CSTF3: variants seen among roughly 807,000 people sequenced by gnomAD.
The protein encoded by CSTF3 is cleavage stimulation factor subunit 3, also known as CF-1 77 kDa subunit.
CSTF3 carries 29 observed loss-of-function variants against 105.8 expected under a neutral mutation model. That is an observed-to-expected ratio of 0.27 (90% CI 0.20 to 0.37). The LOEUF is 0.37. Among genes scored for constraint, CSTF3 ranks in the 10% least tolerant of loss-of-function variants. The probability of loss-of-function intolerance (pLI) is 1.00; values close to 1 mark genes in which losing one functional copy is unlikely to be tolerated. For missense variants in CSTF3, 357 were observed against 879.3 expected (o/e 0.41, Z 7.51); for synonymous variants, 252 against 281.9 (o/e 0.89, Z 1.06).
intron 1 of CSTF3, among the ~76,000 whole-genome samples, chr11:33,148,878 TA>T (rs370947203): frequency 1.4e-5 from 2 of 146,304 alleles, no homozygotes; most frequent in African/African-American, 5.4e-5. Flanking sequence ...TTTTTTTTTT[TA>T]AAGAGACAGG....
chr11:33,110,458 C>G (rs949184637), intron 3 of CSTF3, among the ~76,000 whole-genome samples: 1 of 152,126 alleles, frequency 6.6e-6, no homozygotes, highest in African/African-American at 2.4e-5. Context: ...TTTGAGATTC[C>G]CATAGAACCT....
chr11:33,088,195 T>C (rs964241366), intron 17 of CSTF3, among the ~76,000 whole-genome samples: 5 of 149,000 alleles, frequency 3.4e-5, no homozygotes, highest in African/African-American at 1.0e-4. Context: ...AGAAGCACAT[T>C]AATCCTTCCC....
At chr11:33,145,161 A>T (rs1403030408) in intron 1 of CSTF3, among the ~76,000 whole-genome samples, 2 of 152,178 alleles carry the variant, frequency 1.3e-5, no homozygotes, top group African/African-American at 4.8e-5. Flanking sequence ...AGCCGGATGC[A>T]GAGGCTCAAC....
intron 1 of CSTF3, among the ~76,000 whole-genome samples, chr11:33,142,243 C>T (rs1274984539): frequency 4.6e-5 from 7 of 151,886 alleles, no homozygotes; most frequent in Admixed American, 1.3e-4. Context: ...GCACTAAACA[C>T]GTACAGCCTT....
intron 15 of CSTF3, among the ~76,000 whole-genome samples, chr11:33,092,583 A>C (rs1361589606): frequency 6.6e-6 from 1 of 152,200 alleles, no homozygotes; most frequent in Non-Finnish European, 1.5e-5. Context: ...CTTCTAGTTC[A>C]GCCCTCCTCT....
intron 20 of CSTF3, 96 bp downstream of exon 20, chr11:33,085,617 G>A (rs1031050978): frequency 3.5e-6 from 4 of 1,136,254 alleles, no homozygotes; most frequent in African/African-American, 3.1e-5. Flanking sequence ...TTGGCTGGCT[G>A]GTTTCGAAAA....
rs763272256 is a variant in CSTF3 at position 33,112,255 on chromosome 11, GA to G, written c.226-3838del. Among the ~76,000 whole-genome samples, 474 of 138,862 alleles carry G rather than the reference GA, an allele frequency of 3.4e-3. 1 individual carries two copies. The highest frequency in any genetic ancestry group is 7.2e-3 in the Middle Eastern group (2 of 278). 91.1% of individuals were successfully genotyped at this position (138,862 alleles called of 152,430 possible). A position where few individuals can be genotyped will look rare whatever the true frequency, so the allele number is the denominator to read the frequency against. The stretch of plus-strand genomic sequence containing the variant: ...GGTGACAAGAGCGAAACTCTGTGTG[GA>G]AAAAAAAAAAAAATCATCAATGTGC... On this transcript the variant is annotated intron_variant, in intron 3 of 20. Transcript: ENST00000323959.
At position 33,086,996 on chromosome 11, in the gene CSTF3, TGTC is replaced by T; in HGVS notation, c.1784_1786del (p.Arg595del). The stretch of plus-strand genomic sequence containing the variant: ...CTAAAGTCATGGCTTACGTGCTAAA[TGTC>T]GTGGCTGAAATGGAATCATCTGCTG... On this transcript the variant is annotated inframe_deletion, in exon 18 of 21. Transcript: ENST00000323959. The T allele has an allele frequency of 1.2e-6, 2 of 1,614,076 alleles. No individual in the cohort carries two copies. The highest frequency in any genetic ancestry group is 1.7e-6 in the Non-Finnish European group (2 of 1,179,988).
intron 1 of CSTF3, among the ~76,000 whole-genome samples, chr11:33,158,695 T>G (rs760098439): frequency 2.0e-5 from 3 of 152,160 alleles, no homozygotes; most frequent in Non-Finnish European, 4.4e-5. Context: ...TGTAATGATA[T>G]AATGTTAAGT....
At chr11:33,119,308 CTTAA>C (rs1416344484) in intron 3 of CSTF3, among the ~76,000 whole-genome samples, 2 of 151,762 alleles carry the variant, frequency 1.3e-5, no homozygotes, top group Non-Finnish European at 3.0e-5. Flanking sequence ...ATTTCTCTTA[CTTAA>C]TTTTCAGTGT....
At chr11:33,132,814 CTATT>C (rs1030066537) in intron 3 of CSTF3, among the ~76,000 whole-genome samples, 7 of 152,118 alleles carry the variant, frequency 4.6e-5, no homozygotes, top group African/African-American at 9.6e-5. Context: ...ATCTTTTTGA[CTATT>C]TGTTTACAAA....
At chr11:33,108,790 G>C (rs1355617379) in intron 3 of CSTF3, among the ~76,000 whole-genome samples, 4 of 152,124 alleles carry the variant, frequency 2.6e-5, no homozygotes, top group Admixed American at 6.6e-5. Flanking sequence ...AGAACAATCT[G>C]AGCGGCAAAA....
intron 3 of CSTF3, among the ~76,000 whole-genome samples, chr11:33,136,507 T>C (rs1429131413): frequency 3.3e-5 from 5 of 152,022 alleles, no homozygotes; most frequent in African/African-American, 9.6e-5. Context: ...TCCAAAGGAA[T>C]AGCTGTTTCA....
chr11:33,095,416 CTGT>C (rs1460012126), intron 15 of CSTF3, among the ~76,000 whole-genome samples: 1 of 152,160 alleles, frequency 6.6e-6, no homozygotes, highest in African/African-American at 2.4e-5. Flanking sequence ...ATATTGTGCA[CTGT>C]TGTTAACTAG....
In CSTF3 at chr11:33,099,511, A is replaced by C. The variant is rs1049826301; in HGVS notation, c.936+97T>G. On this transcript the variant is annotated intron_variant, in intron 11 of 20. Transcript: ENST00000323959. The surrounding 1 kb of genome is among the most constrained non-coding windows in gnomAD (Gnocchi z 4.1). ...ACGTAAACTTAAATTTTCAATACTT[A>C]TGCTTTATTACCAAAATTCAGTTAT... is the stretch of plus-strand genomic sequence containing the variant. 2.4e-6 allele frequency: 2 copies of C among 830,162 alleles called. No individual in the cohort carries two copies. The highest frequency in any genetic ancestry group is 3.8e-6 in the Non-Finnish European group (2 of 523,244). 51.4% of individuals were successfully genotyped at this position (830,162 alleles called of 1,614,324 possible).
intron 3 of CSTF3, among the ~76,000 whole-genome samples, chr11:33,126,409 G>C (rs450846): frequency 0.56 from 84,414 of 151,548 alleles, 26,090 homozygotes; most frequent in Non-Finnish European, 0.69. Context: ...GAGTTCAAGC[G>C]ACCGCACTCC....
chr11:33,109,320 T>C (rs1304579796), intron 3 of CSTF3, among the ~76,000 whole-genome samples: 3 of 152,218 alleles, frequency 2.0e-5, no homozygotes, highest in African/African-American at 4.8e-5. Context: ...GGTCCTTTTA[T>C]CTCAAGTAGT....
chr11:33,092,186 C>T, intron 16 of CSTF3, 85 bp downstream of exon 16: 1 of 844,970 alleles, frequency 1.2e-6, no homozygotes, highest in Non-Finnish European at 1.8e-6. Flanking sequence ...AACTCATACT[C>T]AAGCAAACAT....
rs1164275590 is a variant in CSTF3, at chr11:33,101,838, A to T, written c.826+339T>A. ...ACTACTATTATAAATATGTTCTAAGAAACAAAGAAAAAGATGGTAATGAAC... is the reference window on the plus strand; with the variant it reads ...ACTACTATTATAAATATGTTCTAAGTAACAAAGAAAAAGATGGTAATGAAC... On this transcript the variant is annotated intron_variant, in intron 10 of 20. Coordinates refer to ENST00000323959, the MANE Select transcript of CSTF3 (RefSeq NM_001326.3). Among the ~76,000 whole-genome samples, 3 of 152,182 alleles carry T rather than the reference A, an allele frequency of 2.0e-5. 1 individual carries two copies. Among genetic ancestry groups the T allele is most frequent in the African/African-American group, 7.2e-5 (3 of 41,456 alleles).
Sources: allele counts gnomAD v4.1 joint callset (sites outside exome capture counted in the v4.1 genomes callset), GRCh38; gene constraint gnomAD v4.1.1; non-coding constraint Gnocchi (gnomAD v3.1); transcripts MANE v1.5; gene names NCBI Gene and HGNC (gene_info 2026-07-23, HGNC 2026-07-21).